Variants in MYO1F observed in about 807,000 individuals in gnomAD.
MYO1F encodes myosin IF.
MYO1F carries 60 observed loss-of-function variants against 146.6 expected under a neutral mutation model. That is an observed-to-expected ratio of 0.41 (90% CI 0.33 to 0.51). The LOEUF (loss-of-function observed/expected upper bound fraction) is 0.51, where lower values mean the gene tolerates loss of function less well. MYO1F is among the 20% of genes least tolerant of loss of function. The pLI, the probability that MYO1F is intolerant of heterozygous loss-of-function variation, is 0.25. For synonymous variants in MYO1F, 602 were observed against 602.1 expected (o/e 1.00, Z 0.00); for missense variants, 1,274 against 1,534.3 (o/e 0.83, Z 2.83).
rs369077601 is a variant in MYO1F, at chr19:8,574,577, TTCTCTCTCTCTCTCTC to T, written c.3+2714_3+2729del. On this transcript the variant is annotated intron_variant, in intron 1 of 27. Transcript: ENST00000644032. ...TTTCTTTCTTTCTTTCTTTCTTTCT[TTCTCTCTCTCTCTCTC>T]TCTCTTTCTTTCTTTCTTTCTTTCT... 9.3e-3 allele frequency among the ~76,000 whole-genome samples: 742 copies of T among 79,798 alleles called. 12 individuals are homozygous for T. The highest frequency in any genetic ancestry group is 0.027 in the African/African-American group (479 of 17,848). 52.4% of individuals were successfully genotyped at this position (79,798 alleles called of 152,430 possible).
Position 8,548,322 on chromosome 19 carries a change from G to A in MYO1F, c.1102-5C>T, listed in dbSNP as rs763342033. ...CTGCATAGCACGGTTGATGGCCTGC[G>A]GTGTGGGTGGGGACAGGAAGTCAGT... On this transcript the variant is annotated splice_region_variant and splice_polypyrimidine_tract_variant and intron_variant, in intron 10 of 27. Coordinates refer to ENST00000644032, the MANE Select transcript of MYO1F (RefSeq NM_012335.4). 35 of 1,603,588 alleles carry A rather than the reference G, an allele frequency of 2.2e-5. No homozygotes were observed. Among genetic ancestry groups the A allele is most frequent in the East Asian group, 1.1e-4 (5 of 44,644 alleles).
chr19:8,561,396 TCCTTCCTTTCTCCTCTCCCTC>T (rs200512178), intron 1 of MYO1F, among the ~76,000 whole-genome samples: 25,648 of 106,404 alleles, frequency 0.24, 2,923 homozygotes, highest in East Asian at 0.46. Flanking sequence ...CTTCTTTCCT[TCCTTCCTTTCTCCTCTCCCTC>T]CCTTCCTTTC....
At chr19:8,569,919 T>C (rs1291976659) in intron 1 of MYO1F, among the ~76,000 whole-genome samples, 1 of 152,136 alleles carries the variant, frequency 6.6e-6, no homozygotes, top group Non-Finnish European at 1.5e-5. Context: ...AAGGTGCCTG[T>C]TATTTTTTTT....
chr19:8,551,001 C>T (rs1973581595), intron 8 of MYO1F, among the ~76,000 whole-genome samples: 1 of 151,928 alleles, frequency 6.6e-6, no homozygotes, highest in Non-Finnish European at 1.5e-5. Flanking sequence ...CTGCCTCCGC[C>T]TCCCGAGTAG....
At chr19:8,563,775 G>C (rs1359429115) in intron 1 of MYO1F, among the ~76,000 whole-genome samples, 1 of 151,964 alleles carries the variant, frequency 6.6e-6, no homozygotes. Context: ...GCCTCCCAAA[G>C]TGCTGGGATT....
At position 8,555,762 on chromosome 19, in the gene MYO1F, T is replaced by C. The variant is rs1376204336; in HGVS notation, c.38A>G (p.Asn13Ser). 7.4e-6 allele frequency: 12 copies of C among 1,613,842 alleles called. No individual in the cohort carries two copies. Among genetic ancestry groups the C allele is most frequent in the African/African-American group, 4.0e-5 (3 of 74,918 alleles). ...GTCATCCACGCCGCTCTGCTTCACG[T>C]TGTGGCTCTGCCAGTGGAAGCGCTC... is the stretch of plus-strand genomic sequence containing the variant. ...SKERFHWQSHNVKQSGVDDMV... is the reference protein window; with the variant it reads ...SKERFHWQSHSVKQSGVDDMV... The change falls in exon 2 of 28, where the codon AAC (asparagine) becomes AGC (serine). Residue 13 changes from asparagine (N) to serine (S), a missense_variant. Transcript: ENST00000644032.
rs1190655447 is a variant in MYO1F, at chr19:8,530,744, AAAG to A, written c.2044-174_2044-172del. Among the ~76,000 whole-genome samples, 10 of 152,298 alleles carry A rather than the reference AAAG, an allele frequency of 6.6e-5. No homozygotes were observed. The highest frequency in any genetic ancestry group is 3.9e-4 in the Admixed American group (6 of 15,272). On this transcript the variant is annotated intron_variant, in intron 19 of 27. Transcript: ENST00000644032. This position sits in a 1 kb window ranked among gnomAD's most constrained non-coding sequence, Gnocchi z 5.8. ...TTCTAGTGACACTCGTTCATAAAGAAAAGAAGAAAAAGGGGCCGGGCGCAGTGG... is the reference window on the plus strand; with the variant it reads ...TTCTAGTGACACTCGTTCATAAAGAAAAGAAAAAGGGGCCGGGCGCAGTGG...
At position 8,530,271 on chromosome 19, in the gene MYO1F, C is replaced by G. The variant is rs752401021; in HGVS notation, c.2253G>C (p.Glu751Asp). 2 of 1,614,146 alleles carry G rather than the reference C, an allele frequency of 1.2e-6. No individual in the cohort carries two copies. Among genetic ancestry groups the G allele is most frequent in the Admixed American group, 3.3e-5 (2 of 60,006 alleles). ...CCCTCTTGCCCAGGAACTGACGCAG[C>G]TCGGGCCGCTCCTCCAGCCCCAGGT... ...GDYLGLEERP[E>D]LRQFLGKRER... The change falls in exon 21 of 28, where the codon GAG (glutamate) becomes GAC (aspartate). Residue 751 changes from glutamate (E) to aspartate (D), a missense_variant. Coordinates refer to ENST00000644032, the MANE Select transcript of MYO1F (RefSeq NM_012335.4). This position sits in a 1 kb window ranked among gnomAD's most constrained non-coding sequence, Gnocchi z 5.8.
Position 8,530,517 on chromosome 19 carries a change from G to T in MYO1F, c.2100C>A (p.Ile700=), listed in dbSNP as rs1256853244. The part of the protein sequence containing the change: ...ERKFDGFART[I]QKAWRRHVAV... ...CCACGTGGCGCCGCCAGGCCTTCTG[G>T]ATGGTTCGGGCAAAGCCATCGAACT... The change falls in exon 20 of 28, where the codon ATC becomes ATA. Residue 700 remains isoleucine, a synonymous_variant. Transcript: ENST00000644032. The surrounding 1 kb of genome is among the most constrained non-coding windows in gnomAD (Gnocchi z 5.8). The T allele has an allele frequency of 1.2e-6, 2 of 1,613,632 alleles. No homozygotes were observed. The highest frequency in any genetic ancestry group is 8.5e-7 in the Non-Finnish European group (1 of 1,180,028).
chr19:8,552,547 G>C lies in MYO1F; in HGVS notation c.505-383C>G, dbSNP rs555676450. ...CTCCCAAAGTGCTGGGATTTCAGAT[G>C]TGAGCCCCCACACCCAGCCCAAGGG... is the stretch of plus-strand genomic sequence containing the variant. On this transcript the variant is annotated intron_variant, in intron 6 of 27. Coordinates refer to ENST00000644032, the MANE Select transcript of MYO1F (RefSeq NM_012335.4). Among the ~76,000 whole-genome samples, 346 of 152,260 alleles carry C rather than the reference G, an allele frequency of 2.3e-3. 1 individual carries two copies. The highest frequency in any genetic ancestry group is 4.3e-3 in the Non-Finnish European group (290 of 68,020).
rs781372539 is a variant in MYO1F at position 8,522,541 on chromosome 19, T to C, written c.3056A>G (p.Gln1019Arg). 1 of 1,612,248 alleles carries C rather than the reference T, an allele frequency of 6.2e-7. No individual in the cohort carries two copies. Among genetic ancestry groups the C allele is most frequent in the Non-Finnish European group, 8.5e-7 (1 of 1,179,468 alleles). Residue 1019 changes from glutamine (Q) to arginine (R), a missense_variant, in exon 27 of 28, where the codon CAG becomes CGG. Coordinates refer to ENST00000644032, the MANE Select transcript of MYO1F (RefSeq NM_012335.4). ...CCGTTGCCCCACGCTGCGCTTCCTC[T>C]GCATGCTGTGGGCACAGGGGGTTTG... ...NVPDQGMAGM[Q>R]RKRSVGQRPV... is the part of the protein sequence containing the mutation.
rs1364266402 is a variant in MYO1F, at chr19:8,522,509, G to C, written c.3088C>G (p.Pro1030Ala). 6.2e-7 allele frequency: 1 copy of C among 1,613,354 alleles called. No homozygotes were observed. The highest frequency in any genetic ancestry group is 8.5e-7 in the Non-Finnish European group (1 of 1,179,884). The change falls in exon 27 of 28, where the codon CCT becomes GCT. Residue 1030 changes from proline to alanine, a missense_variant. This residue lies in a region of MYO1F where 374 missense variants were observed against 379.2 expected (regional missense o/e 0.99). Coordinates refer to ENST00000644032, the MANE Select transcript of MYO1F (RefSeq NM_012335.4). ...RKRSVGQRPV[P>A]GVGRPKPQPR... ...TGGGGCTTGGGTCGGCCCACACCAG[G>C]CACTGGCCGTTGCCCCACGCTGCGC...
Position 8,577,195 on chromosome 19 carries a change from T to A in MYO1F, c.3+112A>T. The A allele has an allele frequency of 7.6e-7, 1 of 1,316,238 alleles. No homozygotes were observed. Among genetic ancestry groups the A allele is most frequent in the South Asian group, 1.3e-5 (1 of 79,386 alleles). The allele number at this position is 1,316,238 out of a possible 1,614,324, so 81.5% of individuals were successfully genotyped here. A position where few individuals can be genotyped will look rare whatever the true frequency, so the allele number is the denominator to read the frequency against. On this transcript the variant is annotated intron_variant, in intron 1 of 27. Transcript: ENST00000644032. This position sits in a 1 kb window ranked among gnomAD's most constrained non-coding sequence, Gnocchi z 4.3. ...GAGAGACACCCCACCCCCACAGAAG[T>A]CCACCATGCCCCTCCCCTCACCCCA...
chr19:8,559,344 G>A (rs2145941342), intron 1 of MYO1F, among the ~76,000 whole-genome samples: 1 of 120,494 alleles, frequency 8.3e-6, no homozygotes, highest in South Asian at 3.3e-4. Flanking sequence ...GGTGGGGGGT[G>A]GGGGGTGGGG....
chr19:8,552,122 C>G lies in MYO1F; in HGVS notation c.547G>C (p.Asp183His). The G allele has an allele frequency of 6.2e-7, 1 of 1,614,180 alleles. No individual in the cohort carries two copies. ...EIQFSRGGEPDGGKISNFLLE... is the reference protein window; with the variant it reads ...EIQFSRGGEPHGGKISNFLLE... ...AAGAAGTTGGAGATCTTGCCCCCAT[C>G]TGGCTCCCCACCTCGGCTGAACTGG... The change falls in exon 7 of 28, where the codon GAT (aspartate) becomes CAT (histidine). Residue 183 changes from aspartate (D) to histidine (H), a missense_variant. Around this residue, in one of 2 missense-constraint regions of MYO1F, gnomAD observed 900 missense variants for 1,155.1 expected, o/e 0.78. Coordinates refer to ENST00000644032, the MANE Select transcript of MYO1F (RefSeq NM_012335.4).
rs542400904 is a variant in MYO1F, at chr19:8,555,993, C to G, written c.4-197G>C. On this transcript the variant is annotated intron_variant, in intron 1 of 27. Transcript: ENST00000644032. ...CAGAAGTTGCACTGCTCGGATCCAGCCCTCAGCCCTCTATTTTTTTTTAAT... is the reference window on the plus strand; with the variant it reads ...CAGAAGTTGCACTGCTCGGATCCAGGCCTCAGCCCTCTATTTTTTTTTAAT... 4.6e-5 allele frequency among the ~76,000 whole-genome samples: 7 copies of G among 151,474 alleles called. No homozygotes were observed. In the East Asian group the frequency reaches 1.2e-3, roughly 25 times the overall value.
At chr19:8,559,467 T>C (rs1190608004) in intron 1 of MYO1F, among the ~76,000 whole-genome samples, 1 of 151,434 alleles carries the variant, frequency 6.6e-6, no homozygotes, top group Non-Finnish European at 1.5e-5. Context: ...TGGGTTCTGA[T>C]CCTGACTGGG....
At chr19:8,567,015 T>C (rs1423116798) in intron 1 of MYO1F, among the ~76,000 whole-genome samples, 1 of 151,760 alleles carries the variant, frequency 6.6e-6, no homozygotes, top group Middle Eastern at 3.2e-3. Context: ...CATCTTATCC[T>C]TTCAACACAC....
intron 1 of MYO1F, among the ~76,000 whole-genome samples, chr19:8,574,084 G>T (rs577687594): frequency 2.0e-5 from 3 of 152,092 alleles, no homozygotes; most frequent in African/African-American, 7.2e-5. Flanking sequence ...ACCACCGATG[G>T]TCATCATTCC....
Sources: allele counts gnomAD v4.1 joint callset (sites outside exome capture counted in the v4.1 genomes callset), GRCh38; gene constraint gnomAD v4.1.1; regional missense constraint gnomAD v4.1.1; non-coding constraint Gnocchi (gnomAD v3.1); transcripts MANE v1.5; gene names NCBI Gene and HGNC (gene_info 2026-07-23, HGNC 2026-07-21).